Variants in MANBA observed in about 807,000 individuals in gnomAD.
The protein encoded by MANBA is mannosidase beta.
MANBA carries 83 observed loss-of-function variants against 111.1 expected under a neutral mutation model. The observed-to-expected ratio is 0.75, with a 90% confidence interval of 0.63 to 0.90. The LOEUF is 0.90. MANBA is among the 40% of genes least tolerant of loss of function. The pLI, the probability that MANBA is intolerant of heterozygous loss-of-function variation, is 0.00. For synonymous variants in MANBA, 370 were observed against 378.7 expected, an observed-to-expected ratio of 0.98 and a Z score of 0.27; for missense variants, 1,036 against 1,069.0, an observed-to-expected ratio of 0.97 and a Z score of 0.43.
rs1483295723 is a variant in MANBA, at chr4:102,760,734, T to C, written c.161A>G (p.Gln54Arg). The C allele has an allele frequency of 2.9e-5, 44 of 1,543,862 alleles. No individual in the cohort carries two copies. The highest frequency in any genetic ancestry group is 3.8e-5 in the Non-Finnish European group (44 of 1,143,412). ...VPGCVHSALF[Q>R]QGLIQDSYYR... The stretch of plus-strand genomic sequence containing the variant: ...ACGCCATACCTGGATCAGGCCCTGC[T>C]GGAACAAGGCGCTGTGCACGCAGCC... Residue 54 changes from glutamine to arginine, a missense_variant, in exon 1 of 17, where the codon CAG becomes CGG. By Grantham distance (43) the Gln-to-Arg change is conservative. Coordinates refer to ENST00000647097, the MANE Select transcript of MANBA (RefSeq NM_005908.4).
chr4:102,651,703 A>G (rs1423761990), intron 12 of MANBA, among the ~76,000 whole-genome samples: 1 of 152,208 alleles, frequency 6.6e-6, no homozygotes, highest in African/African-American at 2.4e-5. Flanking sequence ...CCTTAAAAGG[A>G]AAAGGTTATC....
intron 7 of MANBA, among the ~76,000 whole-genome samples, chr4:102,687,331 C>T (rs935095873): frequency 6.6e-6 from 1 of 152,210 alleles, no homozygotes; most frequent in African/African-American, 2.4e-5. Context: ...ATCTGATCTA[C>T]ACAATCTTTG....
intron 1 of MANBA, chr4:102,751,971 T>G (rs1723820681): frequency 1.4e-6 from 1 of 710,592 alleles, no homozygotes; most frequent in African/African-American, 1.7e-5. Flanking sequence ...ATGCTGGAAG[T>G]GCAGAGTCTA....
At chr4:102,728,247 C>A (rs1443689609) in intron 1 of MANBA, 2 of 536,750 alleles carry the variant, frequency 3.7e-6, no homozygotes, top group Admixed American at 1.9e-5. Context: ...GCATTCTCCA[C>A]AAATGCCCAG....
chr4:102,631,902 A>C lies in MANBA; in HGVS notation c.*155T>G. On this transcript the variant is annotated 3_prime_UTR_variant, in exon 17 of 17. Transcript: ENST00000647097. ...TAAACAGCCTCCCCTGAAAGTGTTC[A>C]GTGTACAACTCTTCACAGAGCAATC... 5.6e-6 allele frequency: 4 copies of C among 712,594 alleles called. No individual in the cohort carries two copies. Among genetic ancestry groups the C allele is most frequent in the Non-Finnish European group, 9.9e-6 (4 of 405,462 alleles). 44.1% of individuals were successfully genotyped at this position (712,594 alleles called of 1,614,324 possible).
At chr4:102,729,191 T>C in intron 1 of MANBA, 1 of 725,238 alleles carries the variant, frequency 1.4e-6, no homozygotes. Flanking sequence ...AGGGAAGCCC[T>C]CTGGCCTTTG....
At chr4:102,716,376 G>GTTTTAAAA (rs1268814568) in intron 4 of MANBA, among the ~76,000 whole-genome samples, 1 of 148,986 alleles carries the variant, frequency 6.7e-6, no homozygotes, top group Non-Finnish European at 1.5e-5. Context: ...TTATAAATAG[G>GTTTTAAAA]TTTTAAAAAG....
At chr4:102,709,398 G>GA (rs760906813) in intron 5 of MANBA, among the ~76,000 whole-genome samples, 4 of 93,916 alleles carry the variant, frequency 4.3e-5, no homozygotes, top group Admixed American at 1.1e-4. Flanking sequence ...AAGAAAGAAA[G>GA]AAAAAAAAGA....
intron 3 of MANBA, among the ~76,000 whole-genome samples, chr4:102,723,496 T>G (rs1176423045): frequency 6.6e-6 from 1 of 152,234 alleles, no homozygotes; most frequent in Admixed American, 6.5e-5. Flanking sequence ...GAAAGGAAGA[T>G]CAGCATATAA....
chr4:102,701,467 C>T (rs902787303), intron 5 of MANBA, among the ~76,000 whole-genome samples: 9 of 152,190 alleles, frequency 5.9e-5, no homozygotes, highest in African/African-American at 2.2e-4. Flanking sequence ...ATGGTCTTTA[C>T]ATTTTGGCAT....
intron 1 of MANBA, chr4:102,751,970 G>C (rs1315125670): frequency 1.4e-6 from 1 of 709,676 alleles, no homozygotes; most frequent in African/African-American, 1.7e-5. Flanking sequence ...CATGCTGGAA[G>C]TGCAGAGTCT....
In MANBA at chr4:102,635,866, C is replaced by CTGA; in HGVS notation, c.2153_2155dup (p.Leu718_Ser719insIle). 1 of 1,611,492 alleles carries CTGA rather than the reference C, an allele frequency of 6.2e-7. No homozygotes were observed. Among genetic ancestry groups the CTGA allele is most frequent in the Non-Finnish European group, 8.5e-7 (1 of 1,177,570 alleles). On this transcript the variant is annotated inframe_insertion and splice_region_variant, in exon 15 of 17. Coordinates refer to ENST00000647097, the MANE Select transcript of MANBA (RefSeq NM_005908.4). ...TAGAAAACAATCCAAGTAACTTACA[C>CTGA]TGAGTGTCATCGAATAATCCGAGTG...
At chr4:102,757,256 G>T (rs535918850) in intron 1 of MANBA, among the ~76,000 whole-genome samples, 37 of 152,112 alleles carry the variant, frequency 2.4e-4, no homozygotes, top group Admixed American at 2.0e-3. Flanking sequence ...TTGAACCCAG[G>T]AGGCAGAGGT....
chr4:102,714,775 G>A (rs1722249635), intron 4 of MANBA, among the ~76,000 whole-genome samples: 1 of 152,214 alleles, frequency 6.6e-6, no homozygotes, highest in Non-Finnish European at 1.5e-5. Context: ...GGTTCCTCCT[G>A]AAGCCGATCT....
chr4:102,709,659 G>A (rs538075286), intron 5 of MANBA, among the ~76,000 whole-genome samples: 25 of 152,132 alleles, frequency 1.6e-4, no homozygotes, highest in African/African-American at 5.3e-4. Flanking sequence ...TCAGCATCAC[G>A]CTCATATCAA....
At chr4:102,744,611 G>A (rs1723525895) in intron 1 of MANBA, among the ~76,000 whole-genome samples, 1 of 152,198 alleles carries the variant, frequency 6.6e-6, no homozygotes, top group African/African-American at 2.4e-5. Flanking sequence ...CAGGAGATGT[G>A]TTAATTTGCT....
intron 15 of MANBA, 66 bp from the exon 16 acceptor site, chr4:102,635,111 T>A: frequency 6.4e-7 from 1 of 1,553,480 alleles, no homozygotes; most frequent in Non-Finnish European, 8.9e-7. Flanking sequence ...GGAACAATAG[T>A]AGTAATAATT....
intron 13 of MANBA, among the ~76,000 whole-genome samples, chr4:102,641,146 T>C (rs943285914): frequency 1.1e-4 from 17 of 151,974 alleles, no homozygotes; most frequent in African/African-American, 3.1e-4. Context: ...AGAGTGAGGA[T>C]TGGCCTAAAA....
chr4:102,641,779 G>T (rs1360961001), intron 13 of MANBA, among the ~76,000 whole-genome samples: 2 of 151,558 alleles, frequency 1.3e-5, no homozygotes, highest in Admixed American at 6.6e-5. Flanking sequence ...TTTTTTCCTG[G>T]TTTAATAGGT....
Sources: gnomAD v4.1 joint callset for allele counts (sites outside exome capture counted in the v4.1 genomes callset) on GRCh38, gnomAD v4.1.1 for gene constraint, MANE v1.5 for transcripts, NCBI Gene and HGNC (gene_info 2026-07-23, HGNC 2026-07-21) for gene names.